The following NEK6 variants were observed in gnomAD, a reference collection of about 807,000 sequenced individuals.
The protein encoded by NEK6 is serine/threonine-protein kinase Nek6.
Under a neutral mutation model 43.5 loss-of-function variants are expected in NEK6, and 27 were observed. That is an observed-to-expected ratio of 0.62 (90% confidence interval 0.46 to 0.86). The LOEUF is 0.86. NEK6 is among the 40% of genes least tolerant of loss of function. The probability of loss-of-function intolerance (pLI) is 0.00; values close to 1 mark genes in which losing one functional copy is unlikely to be tolerated. For synonymous variants in NEK6, 167 were observed against 164.1 expected (o/e 1.02, Z -0.14); for missense variants, 318 against 414.4 (o/e 0.77, Z 2.02).
intron 1 of NEK6, among the ~76,000 whole-genome samples, chr9:124,274,436 G>A (rs901978045): frequency 3.3e-5 from 5 of 152,216 alleles, no homozygotes; most frequent in Non-Finnish European, 5.9e-5. Context: ...AGATGAAACA[G>A]CAGAGTCCCA....
chr9:124,334,876 C>G (rs1829209006), intron 7 of NEK6, among the ~76,000 whole-genome samples: 3 of 152,208 alleles, frequency 2.0e-5, no homozygotes, highest in Non-Finnish European at 4.4e-5. Context: ...TGTAGGTGAC[C>G]TCTCCCCACA....
intron 4 of NEK6, among the ~76,000 whole-genome samples, chr9:124,320,386 T>C (rs1834008056): frequency 6.6e-6 from 1 of 152,142 alleles, no homozygotes. Flanking sequence ...CTTGCATGGC[T>C]CTGTAACATC....
intron 4 of NEK6, among the ~76,000 whole-genome samples, chr9:124,314,992 T>G (rs1452151230): frequency 6.6e-6 from 1 of 152,258 alleles, no homozygotes; most frequent in Non-Finnish European, 1.5e-5. Context: ...GCTCGGCAGT[T>G]TCCAGCAAAG....
chr9:124,263,569 C>G (rs1395848574), intron 1 of NEK6, among the ~76,000 whole-genome samples: 1 of 152,238 alleles, frequency 6.6e-6, no homozygotes, highest in African/African-American at 2.4e-5. Context: ...CCCAAGATTA[C>G]ATGAGAGACA....
intron 1 of NEK6, among the ~76,000 whole-genome samples, chr9:124,279,404 C>G (rs1298769420): frequency 1.3e-5 from 2 of 151,266 alleles, no homozygotes; most frequent in Admixed American, 1.3e-4. Flanking sequence ...CGGGTTCAAG[C>G]GATTCTCCTG....
chr9:124,301,258 G>A (rs73584346), intron 1 of NEK6, among the ~76,000 whole-genome samples: 4,668 of 152,300 alleles, frequency 0.031, 237 homozygotes, highest in African/African-American at 0.11. Context: ...CACACAGTGG[G>A]TGCTTAACCA....
Position 124,347,740 on chromosome 9 carries a change from A to G in NEK6, c.749A>G (p.Asp250Gly). The G allele has an allele frequency of 1.2e-6, 2 of 1,612,406 alleles. No homozygotes were observed. The highest frequency in any genetic ancestry group is 1.7e-6 in the Non-Finnish European group (2 of 1,179,120). Reference protein sequence around the residue: ...MAALQSPFYGDKMNLFSLCQK... With the variant: ...MAALQSPFYGGKMNLFSLCQK... Reference sequence around the variant, plus strand: ...GCCCTCCAGAGCCCCTTCTATGGAGATAAGATGAATCTCTTCTCCCTGTGC... The same window carrying G: ...GCCCTCCAGAGCCCCTTCTATGGAGGTAAGATGAATCTCTTCTCCCTGTGC... Residue 250 changes from aspartate to glycine, a missense_variant, in exon 9 of 10, where the codon GAT (aspartate) becomes GGT (glycine). Asp to Gly is a moderately conservative substitution (Grantham distance 94, BLOSUM62 -1). This residue lies in a region of NEK6 where 239 missense variants were observed against 344.4 expected (regional missense o/e 0.69). Coordinates refer to ENST00000320246, the MANE Select transcript of NEK6 (RefSeq NM_014397.6).
Position 124,327,406 on chromosome 9 carries a change from CG to C in NEK6, c.584del (p.Arg195ProfsTer13). Reference protein sequence around the residue: ...VVKLGDLGLGRFFSSETTAAH... With the variant: ...VVKLGDLGLGXFFSSETTAAH... ...GAAGCTCGGTGACCTTGGTCTGGGC[CG>C]CTTCTTCAGCTCTGAGACCACCGCA... On this transcript the variant is annotated frameshift_variant, in exon 7 of 10. Coordinates refer to ENST00000320246, the MANE Select transcript of NEK6 (RefSeq NM_014397.6). LOFTEE classifies it high-confidence loss of function. The C allele has an allele frequency of 6.2e-7, 1 of 1,613,590 alleles. No homozygotes were observed. The highest frequency in any genetic ancestry group is 1.1e-5 in the South Asian group (1 of 91,084).
intron 4 of NEK6, among the ~76,000 whole-genome samples, chr9:124,314,388 T>C (rs1200536981): frequency 1.3e-5 from 2 of 152,168 alleles, no homozygotes; most frequent in African/African-American, 4.8e-5. Flanking sequence ...GCTCTGCCTC[T>C]GTCTCTATGT....
chr9:124,282,661 C>T (rs975039896), intron 1 of NEK6, among the ~76,000 whole-genome samples: 6 of 151,388 alleles, frequency 4.0e-5, no homozygotes, highest in Middle Eastern at 3.4e-3. Context: ...TACTCAGGGG[C>T]ACGGGAGGGC....
At position 124,350,950 on chromosome 9, in the gene NEK6, G is replaced by T. The variant is rs781389590; in HGVS notation, c.*3G>T. 1 of 1,602,048 alleles carries T rather than the reference G, an allele frequency of 6.2e-7. No homozygotes were observed. The stretch of plus-strand genomic sequence containing the variant: ...ACATCTGGATGTCCAGCACCTGAGC[G>T]TGGATGCACCGTGCCTTATCAAAGC... On this transcript the variant is annotated 3_prime_UTR_variant, in exon 10 of 10. Transcript: ENST00000320246.
intron 1 of NEK6, among the ~76,000 whole-genome samples, chr9:124,294,295 C>G (rs1441743153): frequency 6.6e-6 from 1 of 152,188 alleles, no homozygotes; most frequent in East Asian, 1.9e-4. Context: ...TCCCTGCCAG[C>G]CAGTCTGCCT....
At chr9:124,297,563 G>GGAAGCCTCACTGTGCAGCTATCCA (rs1832752859) in intron 1 of NEK6, among the ~76,000 whole-genome samples, 1 of 152,224 alleles carries the variant, frequency 6.6e-6, no homozygotes, top group African/African-American at 2.4e-5. Context: ...ACCTGAGCTG[G>GGAAGCCTCACTGTGCAGCTATCCA]GAAGCCTCAC....
rs546078875 is a variant in NEK6 at position 124,277,441 on chromosome 9, A to G, written c.-30+19356A>G. The stretch of plus-strand genomic sequence containing the variant: ...AACCTGGGCAAGAGAGTGAGGCTCC[A>G]TCTCAAAAACAAAACAAAGAATCCT... On this transcript the variant is annotated intron_variant, in intron 1 of 9. Transcript: ENST00000320246. Among the ~76,000 whole-genome samples the G allele has an allele frequency of 9.2e-4, 140 of 152,286 alleles. 1 individual carries two copies. The highest frequency in any genetic ancestry group is 3.2e-3 in the African/African-American group (133 of 41,558).
chr9:124,273,126 C>G (rs1206547164), intron 1 of NEK6, among the ~76,000 whole-genome samples: 1 of 152,078 alleles, frequency 6.6e-6, no homozygotes, highest in African/African-American at 2.4e-5. Flanking sequence ...ACTCCTTGCT[C>G]CAAGGCTGTG....
chr9:124,273,758 C>T (rs1831541630), intron 1 of NEK6, among the ~76,000 whole-genome samples: 1 of 152,210 alleles, frequency 6.6e-6, no homozygotes, highest in Non-Finnish European at 1.5e-5. Flanking sequence ...CTCGCAGCCT[C>T]ACTGCAGCAG....
At chr9:124,299,191 G>A (rs988790087) in intron 1 of NEK6, among the ~76,000 whole-genome samples, 55 of 152,362 alleles carry the variant, frequency 3.6e-4, no homozygotes, top group African/African-American at 1.3e-3. Context: ...ATGTGTGCAT[G>A]GGTCTCGCAG....
At chr9:124,281,972 G>T (rs1831933083) in intron 1 of NEK6, among the ~76,000 whole-genome samples, 1 of 152,224 alleles carries the variant, frequency 6.6e-6, no homozygotes, top group Non-Finnish European at 1.5e-5. Flanking sequence ...CAGAAGTGGA[G>T]CCCGGGGCAG....
chr9:124,311,125 G>A (rs1833506667), intron 2 of NEK6, among the ~76,000 whole-genome samples: 1 of 152,166 alleles, frequency 6.6e-6, no homozygotes, highest in Non-Finnish European at 1.5e-5. Flanking sequence ...GCAGTTCCTG[G>A]TGTTTCCAGG....
Sources: gnomAD v4.1 joint callset for allele counts (sites outside exome capture counted in the v4.1 genomes callset) on GRCh38, gnomAD v4.1.1 for gene constraint, gnomAD v4.1.1 regional missense constraint, MANE v1.5 for transcripts, NCBI Gene and HGNC (gene_info 2026-07-23, HGNC 2026-07-21) for gene names.